PGBD5: variants seen among roughly 807,000 people sequenced by gnomAD.
PGBD5 encodes piggyBac transposable element derived 5.
In PGBD5, 14 loss-of-function variants were observed where a neutral mutation model predicts 47.9. The ratio of observed to expected loss-of-function variants is 0.29; its 90% CI spans 0.19 to 0.46. The LOEUF is 0.46. PGBD5 is among the 20% of genes least tolerant of loss of function. The pLI, the probability that PGBD5 is intolerant of heterozygous loss-of-function variation, is 1.00. For synonymous variants in PGBD5, 316 were observed against 306.3 expected (o/e 1.03, Z -0.33); for missense variants, 635 against 716.0 (o/e 0.89, Z 1.29).
intron 5 of PGBD5, among the ~76,000 whole-genome samples, chr1:230,327,413 A>G (rs915269523): frequency 2.6e-5 from 4 of 152,000 alleles, no homozygotes; most frequent in African/African-American, 4.8e-5. Context: ...GCTTACATAC[A>G]CTGAGCCGGA....
At chr1:230,378,767 C>T (rs1200413280) in intron 1 of PGBD5, among the ~76,000 whole-genome samples, 1 of 152,160 alleles carries the variant, frequency 6.6e-6, no homozygotes, top group Non-Finnish European at 1.5e-5. Context: ...TGGGCAAAGA[C>T]CATAATGTCT....
At chr1:230,410,388 A>AT (rs1464868756) in intron 1 of PGBD5, among the ~76,000 whole-genome samples, 2 of 152,184 alleles carry the variant, frequency 1.3e-5, no homozygotes, top group Non-Finnish European at 2.9e-5. Context: ...AAGAATATAT[A>AT]TTTTTTCTTA....
intron 1 of PGBD5, among the ~76,000 whole-genome samples, chr1:230,423,034 A>C (rs1320466475): frequency 3.3e-5 from 5 of 151,966 alleles, no homozygotes; most frequent in African/African-American, 7.3e-5. Context: ...AAAAAAAAAA[A>C]ACCAAAAACC....
At chr1:230,416,686 C>T (rs761764781) in intron 1 of PGBD5, among the ~76,000 whole-genome samples, 3 of 152,162 alleles carry the variant, frequency 2.0e-5, no homozygotes, top group Non-Finnish European at 2.9e-5. Context: ...AATGGTAGGA[C>T]GCGTGCTACA....
At chr1:230,346,298 C>A (rs1365700608) in intron 3 of PGBD5, among the ~76,000 whole-genome samples, 1 of 152,178 alleles carries the variant, frequency 6.6e-6, no homozygotes, top group African/African-American at 2.4e-5. Context: ...ACCTTGGCCT[C>A]CCAAAGTGCT....
intron 1 of PGBD5, among the ~76,000 whole-genome samples, chr1:230,387,647 G>T (rs1656677013): frequency 6.6e-6 from 1 of 152,188 alleles, no homozygotes; most frequent in South Asian, 2.1e-4. Context: ...ACACAGAGAG[G>T]CCATGGCTTG....
chr1:230,372,096 C>T (rs1667937886), intron 1 of PGBD5, among the ~76,000 whole-genome samples: 1 of 152,196 alleles, frequency 6.6e-6, no homozygotes, highest in Non-Finnish European at 1.5e-5. Flanking sequence ...TTAGGCGATG[C>T]CCCAAGAGAA....
intron 1 of PGBD5, among the ~76,000 whole-genome samples, chr1:230,407,736 T>A (rs550223727): frequency 6.6e-6 from 1 of 152,222 alleles, no homozygotes; most frequent in Non-Finnish European, 1.5e-5. Context: ...TCTTGAAAGA[T>A]AGACATATTG....
chr1:230,383,578 C>T (rs976337956), intron 1 of PGBD5, among the ~76,000 whole-genome samples: 1 of 152,030 alleles, frequency 6.6e-6, no homozygotes, highest in African/African-American at 2.4e-5. Flanking sequence ...CACTATGTTG[C>T]CCAGGCTGGT....
chr1:230,424,876 C>T (rs1657737355), intron 1 of PGBD5, among the ~76,000 whole-genome samples: 1 of 152,248 alleles, frequency 6.6e-6, no homozygotes, highest in South Asian at 2.1e-4. Context: ...GCAGCCGCAG[C>T]TGCCAGCACC....
In PGBD5 at chr1:230,320,361, A is replaced by T. The variant is rs1667016544; in HGVS notation, c.*3064T>A. 1 of 152,248 alleles carries T rather than the reference A, an allele frequency of 6.6e-6. No individual in the cohort carries two copies. The highest frequency in any genetic ancestry group is 2.4e-5 in the African/African-American group (1 of 41,468). 9.4% of individuals were successfully genotyped at this position (152,248 alleles called of 1,614,324 possible). ...CTCCGTGAAGCTCAGTGCAGGTTCA[A>T]TTCCCTGTGAGTTGCAGGGAAATGC... On this transcript the variant is annotated 3_prime_UTR_variant, in exon 7 of 7. Coordinates refer to ENST00000391860, the MANE Select transcript of PGBD5 (RefSeq NM_001258311.2).
chr1:230,327,943 C>T (rs1354736996), intron 5 of PGBD5, among the ~76,000 whole-genome samples: 3 of 152,258 alleles, frequency 2.0e-5, no homozygotes, highest in Non-Finnish European at 4.4e-5. Flanking sequence ...TGACAACCTT[C>T]TCTGGGTCAC....
intron 1 of PGBD5, among the ~76,000 whole-genome samples, chr1:230,412,677 C>T (rs893475438): frequency 2.0e-5 from 3 of 152,052 alleles, no homozygotes; most frequent in Non-Finnish European, 1.5e-5. Context: ...CATGAGCCAC[C>T]GCGCCCGGCC....
At position 230,316,218 on chromosome 1, in the gene PGBD5, GTATA is replaced by G. The variant is rs754943753; in HGVS notation, c.*7203_*7206del. 2.0e-5 allele frequency: 3 copies of G among 152,586 alleles called. No individual in the cohort carries two copies. The highest frequency in any genetic ancestry group is 4.1e-4 in the South Asian group (2 of 4,840). 9.5% of individuals were successfully genotyped at this position (152,586 alleles called of 1,614,324 possible). A position where few individuals can be genotyped will look rare whatever the true frequency, so the allele number is the denominator to read the frequency against. On this transcript the variant is annotated 3_prime_UTR_variant, in exon 7 of 7. Transcript: ENST00000391860. Reference sequence around the variant, plus strand: ...TGTATACATACATATGTACACATGTGTATATGTGTATACGTACATATGTGTATAT... The same window carrying G: ...TGTATACATACATATGTACACATGTGTGTGTATACGTACATATGTGTATAT...
intron 1 of PGBD5, among the ~76,000 whole-genome samples, chr1:230,362,114 C>A (rs1039062645): frequency 1.3e-5 from 2 of 152,208 alleles, no homozygotes; most frequent in African/African-American, 4.8e-5. Flanking sequence ...CCCAAGGGCG[C>A]GGGAAGCCAG....
At chr1:230,338,876 C>T (rs1667368328) in intron 3 of PGBD5, among the ~76,000 whole-genome samples, 3 of 152,192 alleles carry the variant, frequency 2.0e-5, no homozygotes. Flanking sequence ...CTGCGTCCCT[C>T]TTGTGCTTTC....
intron 1 of PGBD5, among the ~76,000 whole-genome samples, chr1:230,395,308 TCTC>T (rs202068458): frequency 1.6e-4 from 4 of 25,754 alleles, no homozygotes; most frequent in African/African-American, 5.9e-4. Flanking sequence ...CCCACCCTCC[TCTC>T]CTCCTCTCCT....
intron 1 of PGBD5, among the ~76,000 whole-genome samples, chr1:230,375,958 T>G (rs943689637): frequency 2.0e-5 from 3 of 151,712 alleles, no homozygotes; most frequent in Non-Finnish European, 2.9e-5. Flanking sequence ...TCAGTCCGCC[T>G]ACCTTGCAGA....
At chr1:230,403,783 CCT>C (rs1657203680) in intron 1 of PGBD5, among the ~76,000 whole-genome samples, 1 of 152,220 alleles carries the variant, frequency 6.6e-6, no homozygotes, top group South Asian at 2.1e-4. Flanking sequence ...ACCCAGGCCC[CCT>C]GAGCCAACGA....
Sources: gnomAD v4.1 joint callset for allele counts (sites outside exome capture counted in the v4.1 genomes callset) on GRCh38, gnomAD v4.1.1 for gene constraint, MANE v1.5 for transcripts, NCBI Gene and HGNC (gene_info 2026-07-23, HGNC 2026-07-21) for gene names.